The following MEI4 variants were observed in gnomAD, a reference collection of about 807,000 sequenced individuals.
The protein encoded by MEI4 is meiosis-specific protein MEI4.
A neutral mutation model predicts 31.4 loss-of-function variants in MEI4; 27 were observed. The observed-to-expected ratio is 0.86, with a 90% CI of 0.63 to 1.19. The LOEUF is 1.19. Ranked by LOEUF, MEI4 falls within the 50% of genes most tolerant of loss-of-function variation. The pLI, the probability that MEI4 is intolerant of heterozygous loss-of-function variation, is 0.00. For synonymous variants in MEI4, 122 were observed against 145.4 expected (o/e 0.84, Z 1.16); for missense variants, 329 against 398.9 (o/e 0.82, Z 1.49).
chr6:77,853,242 A>C, intron 4 of MEI4, among the ~76,000 whole-genome samples: 1 of 152,148 alleles, frequency 6.6e-6, no homozygotes, highest in Non-Finnish European at 1.5e-5. Flanking sequence ...CCAGCAAAAC[A>C]TGGTTTTCTA....
At chr6:77,913,109 G>C (rs1766467392) in intron 4 of MEI4, among the ~76,000 whole-genome samples, 1 of 152,030 alleles carries the variant, frequency 6.6e-6, no homozygotes, top group African/African-American at 2.4e-5. Context: ...GTAATGTATT[G>C]AACTATCCTT....
intron 4 of MEI4, among the ~76,000 whole-genome samples, chr6:77,874,664 G>T (rs1349567024): frequency 6.6e-6 from 1 of 152,098 alleles, no homozygotes; most frequent in Non-Finnish European, 1.5e-5. Context: ...TGGTGAGAGA[G>T]GGCATCCCTG....
chr6:77,742,565 G>T (rs1053649110), intron 2 of MEI4, among the ~76,000 whole-genome samples: 2 of 152,100 alleles, frequency 1.3e-5, no homozygotes, highest in South Asian at 2.1e-4. Flanking sequence ...CTCCCATTTT[G>T]TAGGTTGCCT....
intron 2 of MEI4, among the ~76,000 whole-genome samples, chr6:77,746,263 G>T (rs932775173): frequency 6.6e-6 from 1 of 152,236 alleles, no homozygotes; most frequent in Admixed American, 6.5e-5. Flanking sequence ...GAATCAAATA[G>T]ACACATTCTG....
intron 4 of MEI4, among the ~76,000 whole-genome samples, chr6:77,906,574 A>G (rs1302455298): frequency 6.6e-6 from 1 of 152,140 alleles, no homozygotes; most frequent in Non-Finnish European, 1.5e-5. Context: ...TTCCTGCTGG[A>G]GAAGTTGTAA....
intron 4 of MEI4, among the ~76,000 whole-genome samples, chr6:77,862,988 A>G (rs1770907702): frequency 6.6e-6 from 1 of 152,164 alleles, no homozygotes; most frequent in Non-Finnish European, 1.5e-5. Context: ...CCTCCAGCAA[A>G]CTCCAACAGA....
chr6:77,762,911 A>G (rs2127683272), intron 3 of MEI4, among the ~76,000 whole-genome samples: 1 of 152,308 alleles, frequency 6.6e-6, no homozygotes, highest in Non-Finnish European at 1.5e-5. Flanking sequence ...CCATGAAAAT[A>G]TCTTAAATAC....
At chr6:77,849,454 C>T (rs183697999) in intron 4 of MEI4, among the ~76,000 whole-genome samples, 1 of 152,142 alleles carries the variant, frequency 6.6e-6, no homozygotes, top group Non-Finnish European at 1.5e-5. Flanking sequence ...AGCATAACTG[C>T]ATTTCTGTTC....
rs1180742411 is a variant in MEI4, at chr6:77,690,879, C to T, written c.208C>T (p.Leu70Phe). 8.1e-7 allele frequency: 1 copy of T among 1,230,968 alleles called. No homozygotes were observed. The highest frequency in any genetic ancestry group is 1.0e-6 in the Non-Finnish European group (1 of 987,144). The allele number at this position is 1,230,968 out of a possible 1,614,324, so 76.3% of individuals were successfully genotyped here. A position where few individuals can be genotyped will look rare whatever the true frequency, so the allele number is the denominator to read the frequency against. Reference sequence around the variant, plus strand: ...ACGTCAAAAACTTCTTGTGAGCAGGCTTTGTTCAGGATCCTTTAAGAGTGG... The same window carrying T: ...ACGTCAAAAACTTCTTGTGAGCAGGTTTTGTTCAGGATCCTTTAAGAGTGG... ...QLRQKLLVSR[L>F]CSGSFKSGYV... is the part of the protein sequence containing the mutation. The change falls in exon 2 of 5, where the codon CTT becomes TTT. Residue 70 changes from leucine (L) to phenylalanine (F), a missense_variant. Physicochemically the swap from Leu to Phe is conservative, Grantham distance 22. Coordinates refer to ENST00000684080, the MANE Select transcript of MEI4 (RefSeq NM_001322247.2).
intron 4 of MEI4, among the ~76,000 whole-genome samples, chr6:77,848,339 A>G (rs1447388157): frequency 6.6e-6 from 1 of 152,200 alleles, no homozygotes; most frequent in Non-Finnish European, 1.5e-5. Context: ...TTCACTGGAA[A>G]GCCTTAGAAA....
At chr6:77,762,578 A>G (rs1325373316) in intron 3 of MEI4, among the ~76,000 whole-genome samples, 3 of 152,202 alleles carry the variant, frequency 2.0e-5, no homozygotes, top group African/African-American at 4.8e-5. Flanking sequence ...CTTTGGATAC[A>G]TCATTGTTAA....
upstream of MEI4, among the ~76,000 whole-genome samples, chr6:77,651,705 G>C (rs1768303928): frequency 6.6e-6 from 1 of 152,150 alleles, no homozygotes; most frequent in Non-Finnish European, 1.5e-5. Flanking sequence ...AAGAGTTTCA[G>C]ATCAAATGAA....
rs1223295627 is a variant in MEI4 at position 77,925,210 on chromosome 6, C to G, written c.*1864C>G. 3 of 151,786 alleles carry G rather than the reference C, an allele frequency of 2.0e-5. No homozygotes were observed. Among genetic ancestry groups the G allele is most frequent in the African/African-American group, 7.3e-5 (3 of 41,372 alleles). The allele number at this position is 151,786 out of a possible 1,614,324, so 9.4% of individuals were successfully genotyped here. A position where few individuals can be genotyped will look rare whatever the true frequency, so the allele number is the denominator to read the frequency against. On this transcript the variant is annotated 3_prime_UTR_variant, in exon 5 of 5. Coordinates refer to ENST00000684080, the MANE Select transcript of MEI4 (RefSeq NM_001322247.2). ...CAACAAATTTATTAATTTCAGTGGT[C>G]TCCAAGGCTTCAAGGTCTGAAAATT...
intron 2 of MEI4, among the ~76,000 whole-genome samples, chr6:77,760,853 C>G (rs1252358394): frequency 6.6e-6 from 1 of 152,146 alleles, no homozygotes; most frequent in Non-Finnish European, 1.5e-5. Flanking sequence ...TCTTCTGCAT[C>G]TTTCAAGCAT....
intron 4 of MEI4, among the ~76,000 whole-genome samples, chr6:77,875,318 G>T (rs1046060597): frequency 6.6e-6 from 1 of 152,158 alleles, no homozygotes; most frequent in African/African-American, 2.4e-5. Context: ...TACATCTTCT[G>T]GTTTCACTAC....
chr6:77,867,314 C>A (rs966353971), intron 4 of MEI4, among the ~76,000 whole-genome samples: 23 of 152,154 alleles, frequency 1.5e-4, no homozygotes, highest in Non-Finnish European at 2.9e-4. Context: ...AAAATTTTTG[C>A]AATCTACTCA....
At chr6:77,672,760 G>A (rs572114391) in intron 1 of MEI4, among the ~76,000 whole-genome samples, 1 of 152,228 alleles carries the variant, frequency 6.6e-6, no homozygotes, top group African/African-American at 2.4e-5. Context: ...GACTGGTCTC[G>A]AACTCCTGAC....
chr6:77,755,177 A>AG (rs1441083460), intron 2 of MEI4, among the ~76,000 whole-genome samples: 4 of 152,160 alleles, frequency 2.6e-5, no homozygotes, highest in African/African-American at 9.7e-5. Flanking sequence ...GTCCTGAAAA[A>AG]AAAGAAAAAG....
At chr6:77,654,609 G>A (rs1466434594) in intron 1 of MEI4, among the ~76,000 whole-genome samples, 2 of 147,212 alleles carry the variant, frequency 1.4e-5, no homozygotes, top group Non-Finnish European at 3.0e-5. Flanking sequence ...TATTTTTTAT[G>A]TTCATTATTA....
Sources: allele counts gnomAD v4.1 joint callset (sites outside exome capture counted in the v4.1 genomes callset), GRCh38; gene constraint gnomAD v4.1.1; transcripts MANE v1.5; gene names NCBI Gene and HGNC (gene_info 2026-07-23, HGNC 2026-07-21).